MSRB3: variants seen among roughly 807,000 people sequenced by gnomAD.
The protein encoded by MSRB3 is methionine sulfoxide reductase B3, also known as methionine-R-sulfoxide reductase B3.
A neutral mutation model predicts 21.0 loss-of-function variants in MSRB3; 13 were observed. That is an observed-to-expected ratio of 0.62 (90% CI 0.40 to 0.98). The LOEUF (loss-of-function observed/expected upper bound fraction) is 0.98. MSRB3 is among the 50% of genes least tolerant of loss of function. MSRB3 has a pLI of 0.00. For synonymous variants in MSRB3, 87 were observed against 88.6 expected (o/e 0.98, Z 0.10); for missense variants, 199 against 230.3 (o/e 0.86, Z 0.88).
At chr12:65,440,439 A>G (rs935636388) in intron 5 of MSRB3, among the ~76,000 whole-genome samples, 3 of 151,932 alleles carry the variant, frequency 2.0e-5, no homozygotes, top group African/African-American at 7.2e-5. Flanking sequence ...GAAAACTGTT[A>G]TCAATTAAGA....
At chr12:65,456,219 G>A (rs1883085905) in intron 6 of MSRB3, among the ~76,000 whole-genome samples, 2 of 151,996 alleles carry the variant, frequency 1.3e-5, no homozygotes, top group Non-Finnish European at 2.9e-5. Context: ...ATGCTGTTAC[G>A]TGATCGTTTT....
At chr12:65,312,735 CTG>C (rs933517732) in intron 2 of MSRB3, among the ~76,000 whole-genome samples, 2 of 152,036 alleles carry the variant, frequency 1.3e-5, no homozygotes, top group Non-Finnish European at 2.9e-5. Context: ...TGATTATCAT[CTG>C]TATAACTAGA....
chr12:65,448,381 A>G (rs1882711872), intron 5 of MSRB3, among the ~76,000 whole-genome samples: 1 of 152,230 alleles, frequency 6.6e-6, no homozygotes, highest in African/African-American at 2.4e-5. Flanking sequence ...TTCTAGTTCA[A>G]GAGGCAGACA....
rs145810291 is a variant in MSRB3, at chr12:65,384,349, A to T, written c.292+15323A>T. Among the ~76,000 whole-genome samples the T allele has an allele frequency of 1.9e-3, 294 of 152,310 alleles. 7 individuals carry two copies. The highest frequency in any genetic ancestry group is 0.013 in the East Asian group (67 of 5,180). On this transcript the variant is annotated intron_variant, in intron 5 of 6. Coordinates refer to ENST00000308259, the MANE Select transcript of MSRB3 (RefSeq NM_001031679.3). ...AGTAATGAGTCTATGTAACAAAAAG[A>T]TGAAAGCTTCTATATTTATCTGTTA... is the stretch of plus-strand genomic sequence containing the variant.
chr12:65,419,917 C>T (rs925837672), intron 5 of MSRB3: 12 of 597,328 alleles, frequency 2.0e-5, no homozygotes, highest in African/African-American at 3.7e-5. Context: ...CCTGCATAGA[C>T]GTTGGTTGTG....
intron 1 of MSRB3, among the ~76,000 whole-genome samples, chr12:65,287,128 TC>T (rs1478100391): frequency 1.3e-5 from 2 of 148,822 alleles, no homozygotes; most frequent in Non-Finnish European, 3.0e-5. Flanking sequence ...TTCTTTCATT[TC>T]TCTTTTTTTT....
chr12:65,331,439 C>T (rs1438436270), intron 4 of MSRB3, among the ~76,000 whole-genome samples: 1 of 152,170 alleles, frequency 6.6e-6, no homozygotes, highest in East Asian at 1.9e-4. Context: ...GAGGGCTAGA[C>T]CTTGTTGGAG....
intron 6 of MSRB3, among the ~76,000 whole-genome samples, chr12:65,455,893 C>T (rs143246002): frequency 1.3e-3 from 205 of 152,200 alleles, no homozygotes; most frequent in African/African-American, 4.7e-3. Context: ...CACACCACCA[C>T]ATCCAGATAA....
At chr12:65,353,002 C>T (rs943919731) in intron 4 of MSRB3, among the ~76,000 whole-genome samples, 7 of 151,778 alleles carry the variant, frequency 4.6e-5, no homozygotes, top group African/African-American at 9.7e-5. Flanking sequence ...AAGCCCGCAT[C>T]GCCAAGGCAA....
chr12:65,362,378 C>T (rs1877761131), intron 4 of MSRB3, among the ~76,000 whole-genome samples: 2 of 152,178 alleles, frequency 1.3e-5, no homozygotes, highest in South Asian at 4.1e-4. Context: ...TTTCCTCTCA[C>T]TGCTCAGGAC....
rs927689057 is a variant in MSRB3 at position 65,465,372 on chromosome 12, G to A, written c.*2050G>A. 5 of 152,130 alleles carry A rather than the reference G, an allele frequency of 3.3e-5. No individual in the cohort carries two copies. The highest frequency in any genetic ancestry group is 9.7e-5 in the African/African-American group (4 of 41,426). 9.4% of individuals were successfully genotyped at this position (152,130 alleles called of 1,614,324 possible). On this transcript the variant is annotated 3_prime_UTR_variant, in exon 7 of 7. Transcript: ENST00000308259. ...TCTTGAATTGTAGTTTAAAAAATACGTATTTTTGTAACTCTTTGAAAGTTT... is the reference window on the plus strand; with the variant it reads ...TCTTGAATTGTAGTTTAAAAAATACATATTTTTGTAACTCTTTGAAAGTTT...
Position 65,357,857 on chromosome 12 carries a change from A to G in MSRB3, c.264-11141A>G, listed in dbSNP as rs1283007225. Among the ~76,000 whole-genome samples the G allele has an allele frequency of 2.0e-5, 3 of 152,098 alleles. No homozygotes were observed. In the South Asian group the frequency reaches 6.2e-4, roughly 32 times the overall value. On this transcript the variant is annotated intron_variant, in intron 4 of 6. Coordinates refer to ENST00000308259, the MANE Select transcript of MSRB3 (RefSeq NM_001031679.3). Reference sequence around the variant, plus strand: ...ATCATATTAAAGGTATATGCGAACAACACGTCATCACTTTTGATATTGACC... The same window carrying G: ...ATCATATTAAAGGTATATGCGAACAGCACGTCATCACTTTTGATATTGACC...
intron 4 of MSRB3, among the ~76,000 whole-genome samples, chr12:65,364,468 G>T (rs1565856505): frequency 6.6e-6 from 1 of 151,970 alleles, no homozygotes; most frequent in Non-Finnish European, 1.5e-5. Flanking sequence ...GGGTAAAATG[G>T]GTGTCTGTGG....
chr12:65,421,632 C>T (rs974743732), intron 5 of MSRB3, among the ~76,000 whole-genome samples: 1 of 152,132 alleles, frequency 6.6e-6, no homozygotes, highest in Admixed American at 6.6e-5. Context: ...CTAAACTAAG[C>T]TTCTTCAGTG....
intron 5 of MSRB3, among the ~76,000 whole-genome samples, chr12:65,429,207 A>G (rs546765937): frequency 6.6e-6 from 1 of 152,174 alleles, no homozygotes; most frequent in African/African-American, 2.4e-5. Context: ...GAAAGGATCT[A>G]TTTAACCCTT....
At chr12:65,413,830 G>A (rs866044766) in intron 5 of MSRB3, among the ~76,000 whole-genome samples, 9 of 152,158 alleles carry the variant, frequency 5.9e-5, no homozygotes, top group Non-Finnish European at 1.0e-4. Flanking sequence ...AGGGAAGACA[G>A]GGGTACAGTC....
chr12:65,418,821 G>A, intron 5 of MSRB3: 1 of 910,146 alleles, frequency 1.1e-6, no homozygotes, highest in Non-Finnish European at 1.8e-6. Context: ...TGGAGTTACT[G>A]CTGTCCAAGG....
intron 1 of MSRB3, among the ~76,000 whole-genome samples, chr12:65,292,460 A>G (rs1032398331): frequency 6.6e-6 from 1 of 152,072 alleles, no homozygotes; most frequent in Non-Finnish European, 1.5e-5. Flanking sequence ...CATCATCATC[A>G]TCATTCTGGG....
intron 4 of MSRB3, among the ~76,000 whole-genome samples, chr12:65,341,564 A>G (rs937218061): frequency 6.6e-6 from 1 of 151,886 alleles, no homozygotes. Flanking sequence ...AAACTAAAAG[A>G]GTATAATTGG....
Sources: gnomAD v4.1 joint callset for allele counts (sites outside exome capture counted in the v4.1 genomes callset) on GRCh38, gnomAD v4.1.1 for gene constraint, MANE v1.5 for transcripts, NCBI Gene and HGNC (gene_info 2026-07-23, HGNC 2026-07-21) for gene names.